RGS17: variants seen among roughly 807,000 people sequenced by gnomAD.
RGS17 encodes the protein regulator of G-protein signaling 17.
RGS17 carries 12 observed loss-of-function variants against 25.5 expected under a neutral mutation model. The observed-to-expected ratio is 0.47, with a 90% CI of 0.30 to 0.76. The LOEUF (loss-of-function observed/expected upper bound fraction) is 0.76, where lower values mean the gene tolerates loss of function less well. Among genes scored for constraint, RGS17 ranks in the 30% least tolerant of loss-of-function variants. The probability of loss-of-function intolerance (pLI) is 0.07; values close to 1 mark genes in which losing one functional copy is unlikely to be tolerated. For missense variants in RGS17, 196 were observed against 242.2 expected (o/e 0.81, Z 1.27); for synonymous variants, 71 against 76.9 (o/e 0.92, Z 0.40).
intron 1 of RGS17, among the ~76,000 whole-genome samples, chr6:153,050,815 T>C (rs1422727936): frequency 6.6e-6 from 1 of 152,182 alleles, no homozygotes; most frequent in African/African-American, 2.4e-5. Context: ...AATGTTTATG[T>C]CCCCCTCAAA....
At chr6:153,127,016 G>A (rs888230213) in intron 1 of RGS17, among the ~76,000 whole-genome samples, 10 of 152,198 alleles carry the variant, frequency 6.6e-5, no homozygotes, top group African/African-American at 1.9e-4. Context: ...GGATGGCAGT[G>A]GGGGTGGGGG....
chr6:153,061,610 C>T lies in RGS17; in HGVS notation c.-25-17567G>A, dbSNP rs145665012. Reference sequence around the variant, plus strand: ...ATTATTCATATAATGATTTAAGATACTTATACAAACAGGGATAACAGCTGT... The same window carrying T: ...ATTATTCATATAATGATTTAAGATATTTATACAAACAGGGATAACAGCTGT... On this transcript the variant is annotated intron_variant, in intron 1 of 4. Transcript: ENST00000206262. Among the ~76,000 whole-genome samples, 586 of 152,210 alleles carry T rather than the reference C, an allele frequency of 3.8e-3. 2 individuals carry two copies. The highest frequency in any genetic ancestry group is 0.014 in the African/African-American group (563 of 41,542).
chr6:153,012,609 CAGAACTAA>C (rs1779145278), intron 4 of RGS17, among the ~76,000 whole-genome samples: 1 of 152,120 alleles, frequency 6.6e-6, no homozygotes, highest in Non-Finnish European at 1.5e-5. Context: ...GTTGGAGGAA[CAGAACTAA>C]AGCCCTGCGC....
At chr6:153,025,094 G>A (rs903368422) in intron 3 of RGS17, among the ~76,000 whole-genome samples, 1 of 151,816 alleles carries the variant, frequency 6.6e-6, no homozygotes, top group Admixed American at 6.6e-5. Flanking sequence ...AGGATCTCTT[G>A]AGTCCAGGAG....
intron 3 of RGS17, among the ~76,000 whole-genome samples, chr6:153,025,655 T>A (rs528840785): frequency 7.1e-6 from 1 of 140,440 alleles, no homozygotes; most frequent in South Asian, 2.2e-4. Flanking sequence ...CATATATATA[T>A]AAAAACATAT....
At chr6:153,105,941 G>A (rs1562335596) in intron 1 of RGS17, among the ~76,000 whole-genome samples, 1 of 152,174 alleles carries the variant, frequency 6.6e-6, no homozygotes, top group Admixed American at 6.5e-5. Flanking sequence ...GCACCTGCAT[G>A]GAAGAGAAGT....
chr6:153,021,681 G>A (rs529788931), intron 4 of RGS17, among the ~76,000 whole-genome samples: 13 of 152,146 alleles, frequency 8.5e-5, no homozygotes, highest in South Asian at 8.3e-4. Context: ...ATTACAAGTC[G>A]GCAAAATTAG....
chr6:153,030,173 A>T (rs1410328304), intron 2 of RGS17, among the ~76,000 whole-genome samples: 1 of 152,178 alleles, frequency 6.6e-6, no homozygotes, highest in Non-Finnish European at 1.5e-5. Context: ...AACTTAAGAA[A>T]ATGTGCCCCC....
At chr6:153,103,719 T>C (rs1412322885) in intron 1 of RGS17, among the ~76,000 whole-genome samples, 1 of 152,260 alleles carries the variant, frequency 6.6e-6, no homozygotes, top group Non-Finnish European at 1.5e-5. Context: ...TATCTTTTCT[T>C]TTCTTTTGGG....
At chr6:153,041,109 G>T (rs1776316371) in intron 2 of RGS17, among the ~76,000 whole-genome samples, 1 of 152,054 alleles carries the variant, frequency 6.6e-6, no homozygotes, top group South Asian at 2.1e-4. Flanking sequence ...AGCTTACAGT[G>T]AGCTGTGACT....
At chr6:153,066,555 C>T (rs1405824696) in intron 1 of RGS17, among the ~76,000 whole-genome samples, 4 of 152,076 alleles carry the variant, frequency 2.6e-5, no homozygotes, top group Non-Finnish European at 5.9e-5. Flanking sequence ...AAGAAAACTA[C>T]AGGTCAATAT....
At chr6:153,062,066 G>A (rs1045682185) in intron 1 of RGS17, among the ~76,000 whole-genome samples, 1 of 152,158 alleles carries the variant, frequency 6.6e-6, no homozygotes, top group Admixed American at 6.5e-5. Context: ...TTGAGAAGGT[G>A]GAGCAAGATG....
intron 1 of RGS17, among the ~76,000 whole-genome samples, chr6:153,061,648 C>T (rs1776638671): frequency 1.3e-5 from 2 of 152,142 alleles, no homozygotes; most frequent in South Asian, 4.1e-4. Flanking sequence ...AAATTCAATA[C>T]AAGACAATGT....
At chr6:153,116,952 A>G (rs1246568023) in intron 1 of RGS17, among the ~76,000 whole-genome samples, 1 of 152,202 alleles carries the variant, frequency 6.6e-6, no homozygotes, top group Non-Finnish European at 1.5e-5. Context: ...GAGGGGTAGC[A>G]TTAGGAGAAA....
chr6:153,056,826 TAAG>T (rs924488675), intron 1 of RGS17, among the ~76,000 whole-genome samples: 4 of 149,726 alleles, frequency 2.7e-5, no homozygotes, highest in Non-Finnish European at 4.4e-5. Context: ...GAAAAACTCT[TAAG>T]AGGAAGGGCT....
chr6:153,106,454 G>T (rs973885783), intron 1 of RGS17, among the ~76,000 whole-genome samples: 6 of 151,540 alleles, frequency 4.0e-5, no homozygotes, highest in African/African-American at 1.2e-4. Context: ...AAGCAGGAGA[G>T]GGTAGAAGAA....
chr6:153,034,165 AGT>A (rs367603890), intron 2 of RGS17, among the ~76,000 whole-genome samples: 29 of 151,970 alleles, frequency 1.9e-4, no homozygotes, highest in African/African-American at 7.0e-4. Flanking sequence ...TTTTCCAGTT[AGT>A]GTGTGTGTGT....
chr6:153,092,592 G>A lies in RGS17; in HGVS notation c.-26+38532C>T, dbSNP rs117700654. Among the ~76,000 whole-genome samples the A allele has an allele frequency of 4.9e-3, 753 of 152,218 alleles. 3 individuals carry two copies. Among genetic ancestry groups the A allele is most frequent in the Non-Finnish European group, 8.8e-3 (598 of 68,006 alleles). ...TGTACAATTATATATGGCTTGGTGC[G>A]GAATGGGCTTGGGATGCCACAAAAC... On this transcript the variant is annotated intron_variant, in intron 1 of 4. Transcript: ENST00000206262.
intron 4 of RGS17, among the ~76,000 whole-genome samples, chr6:153,012,494 A>G (rs558251595): frequency 1.2e-3 from 184 of 152,340 alleles, no homozygotes; most frequent in African/African-American, 2.7e-3. Context: ...AAATTCTGCA[A>G]TGATTTAGGA....
Sources: gnomAD v4.1 joint callset for allele counts (sites outside exome capture counted in the v4.1 genomes callset) on GRCh38, gnomAD v4.1.1 for gene constraint, MANE v1.5 for transcripts, NCBI Gene and HGNC (gene_info 2026-07-23, HGNC 2026-07-21) for gene names.